LDB2: variants seen among roughly 807,000 people sequenced by gnomAD.
LDB2 encodes LIM domain binding 2.
In LDB2, 12 loss-of-function variants were observed where a neutral mutation model predicts 44.3. The ratio of observed to expected loss-of-function variants is 0.27; its 90% confidence interval spans 0.17 to 0.44. LDB2 has a LOEUF of 0.44. LDB2 is among the 20% of genes least tolerant of loss of function. The pLI, the probability that LDB2 is intolerant of heterozygous loss-of-function variation, is 1.00. For missense variants in LDB2, 344 were observed against 473.5 expected, an observed-to-expected ratio of 0.73 and a Z score of 2.54; for synonymous variants, 164 against 174.8, an observed-to-expected ratio of 0.94 and a Z score of 0.49.
At chr4:16,678,568 C>T (rs1026699949) in intron 2 of LDB2, among the ~76,000 whole-genome samples, 10 of 152,214 alleles carry the variant, frequency 6.6e-5, no homozygotes, top group African/African-American at 2.4e-4. Flanking sequence ...TACTCTTGGG[C>T]CCCCTCCACA....
At chr4:16,775,675 C>A (rs1441023447) in intron 1 of LDB2, among the ~76,000 whole-genome samples, 1 of 152,180 alleles carries the variant, frequency 6.6e-6, no homozygotes, top group South Asian at 2.1e-4. Context: ...CACGGACACT[C>A]ACAGTATCAG....
intron 5 of LDB2, among the ~76,000 whole-genome samples, chr4:16,573,863 G>GA (rs1747454045): frequency 6.6e-6 from 1 of 152,126 alleles, no homozygotes; most frequent in South Asian, 2.1e-4. Context: ...CATTTAGGTG[G>GA]AAAAGGGGGT....
chr4:16,720,386 C>G (rs148375577), intron 2 of LDB2, among the ~76,000 whole-genome samples: 7 of 152,120 alleles, frequency 4.6e-5, no homozygotes, highest in Non-Finnish European at 1.0e-4. Context: ...AGTTCCAGCT[C>G]GCTCATCTCC....
intron 1 of LDB2, among the ~76,000 whole-genome samples, chr4:16,847,741 C>G (rs1337723901): frequency 6.6e-6 from 1 of 152,110 alleles, no homozygotes; most frequent in African/African-American, 2.4e-5. Flanking sequence ...CTCAGCCTCC[C>G]GAGTAGCTGG....
intron 5 of LDB2, among the ~76,000 whole-genome samples, chr4:16,561,984 A>T (rs1281956043): frequency 1.3e-5 from 2 of 152,246 alleles, no homozygotes. Context: ...TTCCCTATTT[A>T]ATAAATGGTG....
In LDB2 at chr4:16,637,374, A is replaced by G. The variant is rs975451354; in HGVS notation, c.236-41499T>C. 2.0e-5 allele frequency among the ~76,000 whole-genome samples: 3 copies of G among 146,836 alleles called. No individual in the cohort carries two copies. The Admixed American group carries it at 2.1e-4, about 10-fold the overall frequency. On this transcript the variant is annotated intron_variant, in intron 2 of 7. Transcript: ENST00000304523. ...GTGTCTTTTTCTCTAAGTGGTTGAA[A>G]GAGAGCTGTTATTCATAAGCAATTA...
At chr4:16,719,025 A>G (rs938560596) in intron 2 of LDB2, among the ~76,000 whole-genome samples, 1 of 152,104 alleles carries the variant, frequency 6.6e-6, no homozygotes, top group Non-Finnish European at 1.5e-5. Context: ...CTCAAAATAA[A>G]TAGGCATATA....
At chr4:16,806,903 G>A (rs114647576) in intron 1 of LDB2, among the ~76,000 whole-genome samples, 2,453 of 152,268 alleles carry the variant, frequency 0.016, 30 homozygotes, top group Middle Eastern at 0.055. Flanking sequence ...CTATCTCATA[G>A]CATTGTTTGG....
chr4:16,505,777 G>C lies in LDB2; in HGVS notation c.891+2758C>G, dbSNP rs1238814054. Reference sequence around the variant, plus strand: ...TTCTGCTCCTTGCTGGAAGCCCGGAGGTGCCACCAGCTCTCACCCATTTCA... The same window carrying C: ...TTCTGCTCCTTGCTGGAAGCCCGGACGTGCCACCAGCTCTCACCCATTTCA... On this transcript the variant is annotated intron_variant, in intron 7 of 7. Transcript: ENST00000304523. The C allele has an allele frequency of 2.1e-6, 3 of 1,461,834 alleles. No individual in the cohort carries two copies. In the Admixed American group the frequency reaches 7.1e-5, roughly 35 times the overall value. The allele number at this position is 1,461,834 out of a possible 1,614,324, so 90.6% of individuals were successfully genotyped here. A position where few individuals can be genotyped will look rare whatever the true frequency, so the allele number is the denominator to read the frequency against.
chr4:16,633,468 T>C (rs1732626526), intron 2 of LDB2, among the ~76,000 whole-genome samples: 2 of 151,878 alleles, frequency 1.3e-5, no homozygotes, highest in Non-Finnish European at 2.9e-5. Context: ...TATACACCAA[T>C]AACAGACAAA....
intron 1 of LDB2, among the ~76,000 whole-genome samples, chr4:16,817,144 A>G (rs771118413): frequency 2.0e-5 from 3 of 152,216 alleles, no homozygotes; most frequent in African/African-American, 4.8e-5. Context: ...TTCAACTAAA[A>G]TGCTTCAAAA....
chr4:16,775,747 A>T (rs1771748313), intron 1 of LDB2, among the ~76,000 whole-genome samples: 1 of 152,148 alleles, frequency 6.6e-6, no homozygotes, highest in Non-Finnish European at 1.5e-5. Context: ...ATGAGAAATG[A>T]GACTGCAAAC....
At chr4:16,663,291 A>G (rs1742112437) in intron 2 of LDB2, among the ~76,000 whole-genome samples, 1 of 152,220 alleles carries the variant, frequency 6.6e-6, no homozygotes, top group African/African-American at 2.4e-5. Flanking sequence ...CTAGAAACAA[A>G]AAGAAGCCCT....
chr4:16,784,815 T>C (rs1046768797), intron 1 of LDB2, among the ~76,000 whole-genome samples: 3 of 152,168 alleles, frequency 2.0e-5, no homozygotes, highest in Non-Finnish European at 4.4e-5. Context: ...CCCTATGCAC[T>C]CTGCATCTGG....
chr4:16,595,724 G>T lies in LDB2; in HGVS notation c.387C>A (p.His129Gln). ...GTACCTTGGTAAACATGGGCTTCCC[G>T]TGCTGGGTGACCATGGTACACTGGT... ...DCDQCTMVTQ[H>Q]GKPMFTKVCT... The change falls in exon 3 of 8, where the codon CAC (histidine) becomes CAA (glutamine). Residue 129 changes from histidine to glutamine, a missense_variant. This residue lies in a region of LDB2 where 226 missense variants were observed against 270.1 expected (regional missense o/e 0.84). Coordinates refer to ENST00000304523, the MANE Select transcript of LDB2 (RefSeq NM_001290.5). The T allele has an allele frequency of 6.2e-7, 1 of 1,613,566 alleles. No homozygotes were observed. The highest frequency in any genetic ancestry group is 8.5e-7 in the Non-Finnish European group (1 of 1,179,762).
At chr4:16,737,416 A>G (rs1579196830) in intron 2 of LDB2, among the ~76,000 whole-genome samples, 3 of 152,174 alleles carry the variant, frequency 2.0e-5, no homozygotes, top group African/African-American at 7.2e-5. Context: ...TTAAATTTTT[A>G]TTTTAATTTA....
At chr4:16,734,459 G>A (rs1383308058) in intron 2 of LDB2, among the ~76,000 whole-genome samples, 1 of 152,128 alleles carries the variant, frequency 6.6e-6, no homozygotes, top group Non-Finnish European at 1.5e-5. Flanking sequence ...AGAATTTGTT[G>A]TCATGAATGA....
At chr4:16,809,729 A>AAAACAAAC (rs56386816) in intron 1 of LDB2, among the ~76,000 whole-genome samples, 29 of 148,368 alleles carry the variant, frequency 2.0e-4, no homozygotes, top group South Asian at 4.3e-4. Context: ...AAAACAAAAC[A>AAAACAAAC]AAACAAACAA....
At chr4:16,797,349 C>G (rs1178622753) in intron 1 of LDB2, among the ~76,000 whole-genome samples, 1 of 152,112 alleles carries the variant, frequency 6.6e-6, no homozygotes, top group African/African-American at 2.4e-5. Flanking sequence ...AAGGATCATA[C>G]TAAGATCAGA....
Sources: allele counts gnomAD v4.1 joint callset (sites outside exome capture counted in the v4.1 genomes callset), GRCh38; gene constraint gnomAD v4.1.1; regional missense constraint gnomAD v4.1.1; transcripts MANE v1.5; gene names NCBI Gene and HGNC (gene_info 2026-07-23, HGNC 2026-07-21).